The following GPATCH2 variants were observed in gnomAD, a reference collection of about 807,000 sequenced individuals.
The protein encoded by GPATCH2 is G-patch domain containing 2.
A neutral mutation model predicts 58.0 loss-of-function variants in GPATCH2; 51 were observed. That is an observed-to-expected ratio of 0.88 (90% CI 0.70 to 1.11). The LOEUF (loss-of-function observed/expected upper bound fraction) is 1.11, where lower values mean the gene tolerates loss of function less well. Ranked by LOEUF, GPATCH2 falls within the 50% of genes most tolerant of loss-of-function variation. The pLI, the probability that GPATCH2 is intolerant of heterozygous loss-of-function variation, is 0.00. For missense variants in GPATCH2, 625 were observed against 652.2 expected (o/e 0.96, Z 0.45); for synonymous variants, 222 against 218.5 (o/e 1.02, Z -0.14).
intron 8 of GPATCH2, among the ~76,000 whole-genome samples, chr1:217,488,538 C>T (rs1571791564): frequency 6.6e-6 from 1 of 152,018 alleles, no homozygotes; most frequent in Admixed American, 6.5e-5. Flanking sequence ...TATCCTGTTC[C>T]TTCTTTAGTT....
intron 8 of GPATCH2, among the ~76,000 whole-genome samples, chr1:217,473,279 C>CTG (rs1660814696): frequency 1.7e-5 from 2 of 115,178 alleles, no homozygotes; most frequent in Non-Finnish European, 3.5e-5. Flanking sequence ...AGGTTTAGTT[C>CTG]AGTGTGTGTG....
intron 6 of GPATCH2, among the ~76,000 whole-genome samples, chr1:217,509,201 G>A (rs903034725): frequency 5.3e-5 from 8 of 151,938 alleles, no homozygotes; most frequent in East Asian, 1.9e-4. Flanking sequence ...AGTGGCTGGG[G>A]GTGGTGGTGC....
intron 9 of GPATCH2, among the ~76,000 whole-genome samples, chr1:217,432,654 C>A (rs549918127): frequency 4.5e-4 from 68 of 152,132 alleles, no homozygotes; most frequent in African/African-American, 1.6e-3. Flanking sequence ...CCAATACAAG[C>A]AATCAGAAGT....
chr1:217,616,551 A>T (rs1668894495), intron 2 of GPATCH2, among the ~76,000 whole-genome samples: 1 of 152,178 alleles, frequency 6.6e-6, no homozygotes. Context: ...GCATGCATGT[A>T]TACAACATGT....
At chr1:217,600,482 G>A (rs1668056924) in intron 5 of GPATCH2, among the ~76,000 whole-genome samples, 1 of 152,116 alleles carries the variant, frequency 6.6e-6, no homozygotes, top group African/African-American at 2.4e-5. Flanking sequence ...ATTTGGAAGT[G>A]TTCTACCCAT....
At chr1:217,555,441 A>G (rs993446956) in intron 5 of GPATCH2, among the ~76,000 whole-genome samples, 2 of 152,120 alleles carry the variant, frequency 1.3e-5, no homozygotes, top group Non-Finnish European at 2.9e-5. Context: ...TGAGCAGGAC[A>G]ATTTGCTCCT....
chr1:217,547,349 C>CA (rs71303003), intron 5 of GPATCH2, among the ~76,000 whole-genome samples: 67,149 of 144,206 alleles, frequency 0.47, 17,098 homozygotes, highest in East Asian at 0.82. Context: ...GGTGACAGCG[C>CA]AAAAAAAAAA....
Position 217,490,556 on chromosome 1 carries a change from A to G in GPATCH2, c.1277+1124T>C, listed in dbSNP as rs61826758. ...CTCCTTCAGTTTTCCATCTCCTTGA[A>G]TTTTTATACTATATTCTGGCTCATT... On this transcript the variant is annotated intron_variant, in intron 8 of 9. Coordinates refer to ENST00000366935, the MANE Select transcript of GPATCH2 (RefSeq NM_018040.5). 6.5e-3 allele frequency among the ~76,000 whole-genome samples: 989 copies of G among 152,084 alleles called. 10 individuals carry two copies. The highest frequency in any genetic ancestry group is 0.011 in the Non-Finnish European group (772 of 67,998).
chr1:217,613,158 T>G (rs563816397), intron 3 of GPATCH2, among the ~76,000 whole-genome samples: 10 of 152,230 alleles, frequency 6.6e-5, no homozygotes, highest in African/African-American at 2.2e-4. Context: ...AGCCCCAGCA[T>G]TCTAACATAT....
chr1:217,597,611 T>C (rs1334570844), intron 5 of GPATCH2, among the ~76,000 whole-genome samples: 1 of 152,160 alleles, frequency 6.6e-6, no homozygotes, highest in Non-Finnish European at 1.5e-5. Context: ...ACTTCTACCC[T>C]ATATCCCACC....
chr1:217,445,708 G>C (rs1441631539), intron 9 of GPATCH2, among the ~76,000 whole-genome samples: 1 of 152,024 alleles, frequency 6.6e-6, no homozygotes, highest in Non-Finnish European at 1.5e-5. Flanking sequence ...AAATACAAAG[G>C]TGAAAGAGCA....
rs938162420 is a variant in GPATCH2, at chr1:217,601,904, C to G, written c.1098+8417G>C. On this transcript the variant is annotated intron_variant, in intron 5 of 9. Coordinates refer to ENST00000366935, the MANE Select transcript of GPATCH2 (RefSeq NM_018040.5). Reference sequence around the variant, plus strand: ...ATCTAACTTGTTCATCACTAACACCCAAGGCCCAGCAGTATCTGATACTGG... The same window carrying G: ...ATCTAACTTGTTCATCACTAACACCGAAGGCCCAGCAGTATCTGATACTGG... Among the ~76,000 whole-genome samples the G allele has an allele frequency of 8.5e-5, 13 of 152,082 alleles. 1 individual carries two copies. Among genetic ancestry groups the G allele is most frequent in the Non-Finnish European group, 1.6e-4 (11 of 68,026 alleles).
At chr1:217,535,775 G>C (rs902264974) in intron 5 of GPATCH2, among the ~76,000 whole-genome samples, 2 of 152,034 alleles carry the variant, frequency 1.3e-5, no homozygotes, top group Non-Finnish European at 2.9e-5. Flanking sequence ...CCGGTTTTAC[G>C]AGAACAACCC....
intron 8 of GPATCH2, among the ~76,000 whole-genome samples, chr1:217,476,785 T>G (rs1660990391): frequency 6.6e-6 from 1 of 151,992 alleles, no homozygotes; most frequent in Non-Finnish European, 1.5e-5. Context: ...TTAAATAAAT[T>G]TGAAAGGCAG....
intron 1 of GPATCH2, among the ~76,000 whole-genome samples, chr1:217,630,107 G>T (rs914611142): frequency 2.0e-5 from 3 of 152,068 alleles, no homozygotes; most frequent in African/African-American, 7.2e-5. Context: ...GGAGGAAAAG[G>T]GCTTGGGAGA....
chr1:217,437,275 G>A (rs1658883590), intron 9 of GPATCH2, among the ~76,000 whole-genome samples: 1 of 152,158 alleles, frequency 6.6e-6, no homozygotes, highest in African/African-American at 2.4e-5. Flanking sequence ...CGCCACCAGG[G>A]CCCTGGGTTT....
At chr1:217,562,992 G>A (rs988400731) in intron 5 of GPATCH2, among the ~76,000 whole-genome samples, 9 of 147,128 alleles carry the variant, frequency 6.1e-5, no homozygotes, top group African/African-American at 2.0e-4. Context: ...TATTGTTAAT[G>A]ACTTTGGACA....
At chr1:217,503,347 G>A (rs1428794637) in intron 6 of GPATCH2, among the ~76,000 whole-genome samples, 5 of 152,074 alleles carry the variant, frequency 3.3e-5, no homozygotes, top group Non-Finnish European at 7.4e-5. Flanking sequence ...GGACTATACT[G>A]TAATCTATTC....
At chr1:217,591,020 T>C (rs1667566299) in intron 5 of GPATCH2, among the ~76,000 whole-genome samples, 1 of 152,182 alleles carries the variant, frequency 6.6e-6, no homozygotes, top group Admixed American at 6.6e-5. Context: ...GTTTATATTT[T>C]ATTTTGTAAA....
Sources: gnomAD v4.1 joint callset for allele counts (sites outside exome capture counted in the v4.1 genomes callset) on GRCh38, gnomAD v4.1.1 for gene constraint, MANE v1.5 for transcripts, NCBI Gene and HGNC (gene_info 2026-07-23, HGNC 2026-07-21) for gene names.